Variants in PAPOLA observed in about 807,000 individuals in gnomAD.
PAPOLA encodes polynucleotide adenylyltransferase alpha.
A neutral mutation model predicts 100.6 loss-of-function variants in PAPOLA; 15 were observed. That is an observed-to-expected ratio of 0.15 (90% CI 0.10 to 0.23). The LOEUF is 0.23. PAPOLA is among the 10% of genes least tolerant of loss of function. PAPOLA has a pLI of 1.00. For synonymous variants in PAPOLA, 293 were observed against 300.0 expected (o/e 0.98, Z 0.24); for missense variants, 533 against 884.2 (o/e 0.60, Z 5.04).
At chr14:96,562,426 GTTT>G (rs538584053) in intron 20 of PAPOLA, 2 of 136,474 alleles carry the variant, frequency 1.5e-5, no homozygotes, top group Admixed American at 7.3e-5. Context: ...TATTGAATAA[GTTT>G]TTTTTTTTTT....
chr14:96,559,581 C>CTATATA (rs1555396726), intron 19 of PAPOLA, among the ~76,000 whole-genome samples: 4,746 of 119,888 alleles, frequency 0.04, 144 homozygotes, highest in South Asian at 0.051. Context: ...CTCTCTCTCT[C>CTATATA]TATATATATA....
chr14:96,506,196 G>GCCCT (rs1251361635), intron 1 of PAPOLA, among the ~76,000 whole-genome samples: 1 of 152,072 alleles, frequency 6.6e-6, no homozygotes, highest in Admixed American at 6.6e-5. Flanking sequence ...GAGCCACGGC[G>GCCCT]CCCGGCTGTC....
intron 19 of PAPOLA, among the ~76,000 whole-genome samples, chr14:96,559,955 A>G (rs1238533444): frequency 6.6e-6 from 1 of 152,250 alleles, no homozygotes; most frequent in South Asian, 2.1e-4. Flanking sequence ...ACACATTACT[A>G]TTTTTAAAGT....
At chr14:96,559,579 C>CTATATATATA (rs1171924653) in intron 19 of PAPOLA, among the ~76,000 whole-genome samples, 21 of 108,466 alleles carry the variant, frequency 1.9e-4, no homozygotes, top group South Asian at 9.5e-4. Context: ...CTCTCTCTCT[C>CTATATATATA]TCTATATATA....
chr14:96,544,264 TCTTTA>T lies in PAPOLA; in HGVS notation c.1399+10_1399+14del, dbSNP rs1164003808. The T allele has an allele frequency of 1.5e-6, 2 of 1,321,918 alleles. No homozygotes were observed. The highest frequency in any genetic ancestry group is 2.2e-6 in the Non-Finnish European group (2 of 918,070). 81.9% of individuals were successfully genotyped at this position (1,321,918 alleles called of 1,614,324 possible). A position where few individuals can be genotyped will look rare whatever the true frequency, so the allele number is the denominator to read the frequency against. ...TCAGTCTTTCACAGATACAGGTATG[TCTTTA>T]CTTGGATAATCAAAACACTTCAGTT... On this transcript the variant is annotated splice_region_variant and intron_variant, in intron 15 of 21. Coordinates refer to ENST00000216277, the MANE Select transcript of PAPOLA (RefSeq NM_032632.5).
intron 1 of PAPOLA, among the ~76,000 whole-genome samples, chr14:96,516,967 T>C (rs1897519759): frequency 6.6e-6 from 1 of 152,164 alleles, no homozygotes; most frequent in Admixed American, 6.5e-5. Flanking sequence ...GATTTAGGAA[T>C]CTTACAGTGG....
chr14:96,540,706 T>A (rs1199580042), intron 12 of PAPOLA, among the ~76,000 whole-genome samples: 1 of 152,190 alleles, frequency 6.6e-6, no homozygotes, highest in Non-Finnish European at 1.5e-5. Flanking sequence ...CACATATCCC[T>A]ATATACCTTG....
chr14:96,555,892 C>T lies in PAPOLA; in HGVS notation c.1710C>T (p.Asn570=). Residue 570 remains asparagine (N), a synonymous_variant, in exon 18 of 22, where the codon AAC becomes AAT. Transcript: ENST00000216277. The stretch of plus-strand genomic sequence containing the variant: ...CTGTAACAGCAGCATCTGTGACCAA[C>T]ATACAGGCTACTGAAGTTTCTGTGC... ...APAVTAASVT[N]IQATEVSVPQ... 6.2e-7 allele frequency: 1 copy of T among 1,610,568 alleles called. No individual in the cohort carries two copies. The highest frequency in any genetic ancestry group is 8.5e-7 in the Non-Finnish European group (1 of 1,177,468).
At chr14:96,527,617 C>G (rs1005083328) in intron 5 of PAPOLA, 78 bp downstream of exon 5, 1 of 792,080 alleles carries the variant, frequency 1.3e-6, no homozygotes, top group African/African-American at 1.7e-5. Context: ...ATGATATAGC[C>G]ATCATTTATT....
chr14:96,505,181 C>G (rs1042784533), intron 1 of PAPOLA, among the ~76,000 whole-genome samples: 2 of 152,206 alleles, frequency 1.3e-5, no homozygotes, highest in African/African-American at 4.8e-5. Context: ...ATGCCAGATT[C>G]ATTCCTTGCA....
intron 3 of PAPOLA, among the ~76,000 whole-genome samples, chr14:96,522,704 C>T (rs1376481417): frequency 6.6e-6 from 1 of 152,118 alleles, no homozygotes; most frequent in African/African-American, 2.4e-5. Flanking sequence ...TGCCCCAGCC[C>T]CTTTGAGTTT....
intron 1 of PAPOLA, among the ~76,000 whole-genome samples, chr14:96,507,018 G>A (rs917566974): frequency 6.6e-6 from 1 of 152,106 alleles, no homozygotes; most frequent in South Asian, 2.1e-4. Context: ...ATGGGAGGCC[G>A]AGGTGGGAGG....
chr14:96,552,662 G>C, intron 17 of PAPOLA, 40 bp downstream of exon 17: 1 of 1,569,696 alleles, frequency 6.4e-7, no homozygotes, highest in Non-Finnish European at 8.7e-7. Flanking sequence ...GGGGCTGTTT[G>C]CTAAATCAAT....
intron 1 of PAPOLA, among the ~76,000 whole-genome samples, chr14:96,506,620 C>A (rs1004153175): frequency 2.0e-5 from 3 of 152,004 alleles, no homozygotes; most frequent in Non-Finnish European, 2.9e-5. Context: ...ACGGTTTTTC[C>A]CAATACTTAA....
chr14:96,522,112 CTTTCTTTTTTTTTTT>C (rs1256707971), intron 3 of PAPOLA, among the ~76,000 whole-genome samples: 8 of 98,712 alleles, frequency 8.1e-5, no homozygotes, highest in African/African-American at 3.0e-4. Context: ...CTCTTTCTTT[CTTTCTTTTTTTTTTT>C]TTTTTTTTTT....
chr14:96,566,201 A>G lies in PAPOLA; in HGVS notation c.*1151A>G. Reference sequence around the variant, plus strand: ...TTTTAAAACTAATTCTTATTTTTAAATGGTTTACCAAAATTTGTCAGTACA... The same window carrying G: ...TTTTAAAACTAATTCTTATTTTTAAGTGGTTTACCAAAATTTGTCAGTACA... On this transcript the variant is annotated 3_prime_UTR_variant, in exon 22 of 22. Coordinates refer to ENST00000216277, the MANE Select transcript of PAPOLA (RefSeq NM_032632.5). The G allele has an allele frequency of 3.1e-6, 1 of 318,794 alleles. No homozygotes were observed. The highest frequency in any genetic ancestry group is 5.7e-6 in the Non-Finnish European group (1 of 175,904). The allele number at this position is 318,794 out of a possible 1,614,324, so 19.7% of individuals were successfully genotyped here. A position where few individuals can be genotyped will look rare whatever the true frequency, so the allele number is the denominator to read the frequency against.
intron 3 of PAPOLA, among the ~76,000 whole-genome samples, chr14:96,523,934 ACT>A (rs1264468462): frequency 1.3e-5 from 2 of 148,694 alleles, no homozygotes; most frequent in Non-Finnish European, 3.0e-5. Context: ...ACAGAGCGAG[ACT>A]CTGTCTCAGA....
chr14:96,529,779 G>A (rs763442052), intron 6 of PAPOLA, among the ~76,000 whole-genome samples: 6 of 152,018 alleles, frequency 3.9e-5, no homozygotes, highest in Non-Finnish European at 8.8e-5. Context: ...TGTTTACAGC[G>A]ACATCCACAT....
chr14:96,502,766 C>G, intron 1 of PAPOLA, 166 bp downstream of exon 1: 1 of 629,862 alleles, frequency 1.6e-6, no homozygotes, highest in Non-Finnish European at 2.3e-6. Context: ...CGCTCGCCGC[C>G]GCACTTCCCC....
Sources: gnomAD v4.1 joint callset for allele counts (sites outside exome capture counted in the v4.1 genomes callset) on GRCh38, gnomAD v4.1.1 for gene constraint, MANE v1.5 for transcripts, NCBI Gene and HGNC (gene_info 2026-07-23, HGNC 2026-07-21) for gene names.